The following CYTH1 variants were observed in gnomAD, a reference collection of about 807,000 sequenced individuals.
CYTH1 encodes the protein cytohesin-1.
Under a neutral mutation model 61.8 loss-of-function variants are expected in CYTH1, and 18 were observed. That is an observed-to-expected ratio of 0.29 (90% confidence interval 0.20 to 0.43). The LOEUF is 0.43. Among genes scored for constraint, CYTH1 ranks in the 20% least tolerant of loss-of-function variants. The pLI, the probability that CYTH1 is intolerant of heterozygous loss-of-function variation, is 1.00. For missense variants in CYTH1, 336 were observed against 510.5 expected, an observed-to-expected ratio of 0.66 and a Z score of 3.29; for synonymous variants, 174 against 184.3, an observed-to-expected ratio of 0.94 and a Z score of 0.45.
At chr17:78,696,874 T>C (rs1325447996) in intron 9 of CYTH1, 4 of 152,204 alleles carry the variant, frequency 2.6e-5, no homozygotes, top group Non-Finnish European at 5.9e-5. Context: ...ACGTTTCCAG[T>C]AGGTTTCCTT....
chr17:78,695,072 G>A (rs1282631029), intron 10 of CYTH1, among the ~76,000 whole-genome samples: 1 of 152,072 alleles, frequency 6.6e-6, no homozygotes, highest in African/African-American at 2.4e-5. Flanking sequence ...ACAAGTCCCT[G>A]AAGCATCTCA....
At chr17:78,768,913 A>T (rs773104713) in intron 1 of CYTH1, among the ~76,000 whole-genome samples, 1 of 152,166 alleles carries the variant, frequency 6.6e-6, no homozygotes, top group Admixed American at 6.5e-5. Context: ...TGGGAGATGG[A>T]GGTTGGCAAA....
At chr17:78,704,031 T>C (rs955873903) in intron 3 of CYTH1, among the ~76,000 whole-genome samples, 7 of 152,256 alleles carry the variant, frequency 4.6e-5, no homozygotes, top group Non-Finnish European at 8.8e-5. Context: ...TTCTTGACTG[T>C]ATCAGAATGA....
At chr17:78,738,355 A>T (rs1262685849) in intron 1 of CYTH1, among the ~76,000 whole-genome samples, 1 of 152,210 alleles carries the variant, frequency 6.6e-6, no homozygotes, top group African/African-American at 2.4e-5. Flanking sequence ...TGCAGAGCCC[A>T]TCCTCCGCAC....
At chr17:78,716,412 A>T (rs1475261265) in intron 1 of CYTH1, among the ~76,000 whole-genome samples, 3 of 152,222 alleles carry the variant, frequency 2.0e-5, no homozygotes, top group Non-Finnish European at 4.4e-5. Context: ...GTGTCCTTGG[A>T]GTCAGACAGA....
chr17:78,676,783 C>T, intron 13 of CYTH1: 2 of 353,610 alleles, frequency 5.7e-6, no homozygotes, highest in South Asian at 4.2e-5. Context: ...TGTGCTACAG[C>T]CTCAAAGACA....
rs898652353 is a variant in CYTH1 at position 78,675,271 on chromosome 17, C to G, written c.*820G>C. Reference sequence around the variant, plus strand: ...TGAAGGAGGAAAATAACGTAAGCGTCCAGTCAGCTCTCTCCTCTCCTCGGC... The same window carrying G: ...TGAAGGAGGAAAATAACGTAAGCGTGCAGTCAGCTCTCTCCTCTCCTCGGC... On this transcript the variant is annotated 3_prime_UTR_variant, in exon 14 of 14. Transcript: ENST00000446868. The G allele has an allele frequency of 6.6e-6, 1 of 152,286 alleles. No homozygotes were observed. Among genetic ancestry groups the G allele is most frequent in the South Asian group, 2.1e-4 (1 of 4,832 alleles). The allele number at this position is 152,286 out of a possible 1,614,324, so 9.4% of individuals were successfully genotyped here.
intron 11 of CYTH1, among the ~76,000 whole-genome samples, chr17:78,682,691 C>T (rs553446205): frequency 6.6e-6 from 1 of 152,368 alleles, no homozygotes; most frequent in East Asian, 1.9e-4. Flanking sequence ...CGTGACCCTC[C>T]TCCAAGACTG....
intron 3 of CYTH1, 112 bp downstream of exon 3, chr17:78,708,085 G>A: frequency 9.3e-7 from 1 of 1,075,810 alleles, no homozygotes; most frequent in South Asian, 1.3e-5. Context: ...GCTAGAATTA[G>A]AAAGACACAA....
intron 1 of CYTH1, among the ~76,000 whole-genome samples, chr17:78,729,007 G>A (rs2093280289): frequency 6.6e-6 from 1 of 152,204 alleles, no homozygotes; most frequent in African/African-American, 2.4e-5. Flanking sequence ...AAAATGAAAA[G>A]CTTCTGAGTG....
chr17:78,750,329 G>T (rs1474867106), intron 1 of CYTH1, among the ~76,000 whole-genome samples: 2 of 152,146 alleles, frequency 1.3e-5, no homozygotes. Flanking sequence ...TTTCTCAGGT[G>T]GGGTGAATAA....
chr17:78,675,956 G>C lies in CYTH1; in HGVS notation c.*135C>G. On this transcript the variant is annotated 3_prime_UTR_variant, in exon 14 of 14. Coordinates refer to ENST00000446868, the MANE Select transcript of CYTH1 (RefSeq NM_004762.6). Reference sequence around the variant, plus strand: ...CTCCCACTTAAAAAAAATAGCAAAAGCTGAAGCTAGTCTCTAGGAATCCAG... The same window carrying C: ...CTCCCACTTAAAAAAAATAGCAAAACCTGAAGCTAGTCTCTAGGAATCCAG... The C allele has an allele frequency of 6.5e-7, 1 of 1,548,590 alleles. No individual in the cohort carries two copies. The highest frequency in any genetic ancestry group is 8.7e-7 in the Non-Finnish European group (1 of 1,145,774).
At chr17:78,691,313 G>A (rs1205571456) in intron 11 of CYTH1, 1 of 152,240 alleles carries the variant, frequency 6.6e-6, no homozygotes, top group Non-Finnish European at 1.5e-5. Context: ...GAAGCTGCAT[G>A]TGCATGATGT....
At chr17:78,778,395 T>C (rs1300628651) in intron 1 of CYTH1, among the ~76,000 whole-genome samples, 2 of 151,238 alleles carry the variant, frequency 1.3e-5, no homozygotes, top group African/African-American at 4.9e-5. Flanking sequence ...CCCAGCACTT[T>C]GGGAGGCCAA....
At chr17:78,708,707 C>A (rs773884609) in intron 2 of CYTH1, among the ~76,000 whole-genome samples, 37 of 152,360 alleles carry the variant, frequency 2.4e-4, no homozygotes, top group Non-Finnish European at 4.9e-4. Context: ...CACCAAGCGG[C>A]TGGCAAAGGG....
chr17:78,744,042 AC>A (rs1200525536), intron 1 of CYTH1, among the ~76,000 whole-genome samples: 2 of 152,236 alleles, frequency 1.3e-5, no homozygotes, highest in African/African-American at 2.4e-5. Context: ...TGTGGGGGCT[AC>A]ACTGAGGAAG....
At chr17:78,689,597 G>T (rs925796589) in intron 11 of CYTH1, among the ~76,000 whole-genome samples, 1 of 152,156 alleles carries the variant, frequency 6.6e-6, no homozygotes, top group Non-Finnish European at 1.5e-5. Context: ...CCGCTGTGTG[G>T]CCTGGCTCGT....
intron 1 of CYTH1, among the ~76,000 whole-genome samples, chr17:78,745,264 G>A (rs1598903678): frequency 1.3e-5 from 2 of 152,114 alleles, no homozygotes; most frequent in Admixed American, 6.5e-5. Context: ...ACCCACCATC[G>A]CCAACCTCAC....
At chr17:78,749,316 C>T (rs1281757229) in intron 1 of CYTH1, among the ~76,000 whole-genome samples, 1 of 152,070 alleles carries the variant, frequency 6.6e-6, no homozygotes, top group Non-Finnish European at 1.5e-5. Context: ...AAAAATTAGC[C>T]AGGCATGGTG....
Sources: allele counts gnomAD v4.1 joint callset (sites outside exome capture counted in the v4.1 genomes callset), GRCh38; gene constraint gnomAD v4.1.1; transcripts MANE v1.5; gene names NCBI Gene and HGNC (gene_info 2026-07-23, HGNC 2026-07-21).